The following PREP variants were observed in gnomAD, a reference collection of about 807,000 sequenced individuals.
PREP encodes dJ355L5.1 (prolyl endopeptidase).
Under a neutral mutation model 87.6 loss-of-function variants are expected in PREP, and 29 were observed. The observed-to-expected ratio is 0.33, with a 90% confidence interval of 0.25 to 0.45. The LOEUF is 0.45. Among genes scored for constraint, PREP ranks in the 20% least tolerant of loss-of-function variants. The pLI is 1.00. For synonymous variants in PREP, 337 were observed against 328.6 expected (o/e 1.03, Z -0.28); for missense variants, 695 against 886.5 (o/e 0.78, Z 2.74).
At chr6:105,333,147 T>C (rs527459356) in intron 8 of PREP, among the ~76,000 whole-genome samples, 167 bp downstream of exon 8, 5 of 152,304 alleles carry the variant, frequency 3.3e-5, no homozygotes, top group Non-Finnish European at 4.4e-5. Context: ...TACAAAGATA[T>C]CACACAATGA....
intron 2 of PREP, among the ~76,000 whole-genome samples, chr6:105,385,523 G>C (rs1372315131): frequency 6.6e-6 from 1 of 152,072 alleles, no homozygotes; most frequent in African/African-American, 2.4e-5. Context: ...GATCCAAAAA[G>C]AAAGCAGAAC....
chr6:105,285,443 T>C (rs756698389), intron 12 of PREP, 43 bp downstream of exon 12: 3 of 1,561,788 alleles, frequency 1.9e-6, no homozygotes, highest in Non-Finnish European at 2.6e-6. Context: ...AACCTTAGCT[T>C]TGATTATGTC....
At chr6:105,369,693 T>C (rs911623396) in intron 5 of PREP, among the ~76,000 whole-genome samples, 5 of 152,116 alleles carry the variant, frequency 3.3e-5, no homozygotes, top group Non-Finnish European at 7.4e-5. Flanking sequence ...GGCAAAAATA[T>C]GAATCCAGAC....
At chr6:105,377,180 C>A (rs1772706886) in intron 3 of PREP, among the ~76,000 whole-genome samples, 1 of 152,142 alleles carries the variant, frequency 6.6e-6, no homozygotes, top group Non-Finnish European at 1.5e-5. Context: ...TATGACCTAT[C>A]CCTACTAAAT....
chr6:105,334,469 A>G (rs974956270), intron 7 of PREP, among the ~76,000 whole-genome samples: 3 of 152,138 alleles, frequency 2.0e-5, no homozygotes, highest in East Asian at 1.9e-4. Context: ...CTGTAATCAC[A>G]GCATTTTGGG....
intron 2 of PREP, among the ~76,000 whole-genome samples, 166 bp downstream of exon 2, chr6:105,397,687 T>C (rs1385626968): frequency 2.0e-5 from 3 of 152,236 alleles, no homozygotes; most frequent in Non-Finnish European, 4.4e-5. Flanking sequence ...TTTTGTCTTT[T>C]TCCCATAAAT....
chr6:105,309,067 C>T (rs1770706543), intron 10 of PREP, among the ~76,000 whole-genome samples: 1 of 151,908 alleles, frequency 6.6e-6, no homozygotes, highest in Admixed American at 6.6e-5. Flanking sequence ...GCAAGGAGGC[C>T]AGAGCGGCTG....
Position 105,328,969 on chromosome 6 carries a change from T to C in PREP, c.1073A>G (p.Lys358Arg), listed in dbSNP as rs1562201918. 3 of 1,614,198 alleles carry C rather than the reference T, an allele frequency of 1.9e-6. No homozygotes were observed. The highest frequency in any genetic ancestry group is 2.5e-6 in the Non-Finnish European group (3 of 1,180,026). Residue 358 changes from lysine to arginine, a missense_variant, in exon 9 of 15, where the codon AAG becomes AGG. By Grantham distance (26) the Lys-to-Arg change is conservative. Transcript: ENST00000652536. ...FLVLCYLHDV[K>R]NILQLHDLTT... ...CAGGTCATGGAGCTGCAGAATGTTC[T>C]TGACGTCATGGAGGTAGCATAAGAC...
In PREP at chr6:105,278,548, G is replaced by GTTAAC; in HGVS notation, c.1839-111_1839-110insGTTAA. 1.8e-6 allele frequency: 2 copies of GTTAAC among 1,137,558 alleles called. No homozygotes were observed. Among genetic ancestry groups the GTTAAC allele is most frequent in the African/African-American group, 3.1e-5 (2 of 65,398 alleles). 70.5% of individuals were successfully genotyped at this position (1,137,558 alleles called of 1,614,324 possible). On this transcript the variant is annotated intron_variant, in intron 14 of 14. Coordinates refer to ENST00000652536, the MANE Select transcript of PREP (RefSeq NM_002726.5). This position sits in a 1 kb window ranked among gnomAD's most constrained non-coding sequence, Gnocchi z 4.2. ...AGGACTGCAGTTAACTAGTACGTGA[G>GTTAAC]TGACCACCATGGACTGTGCCTATGC...
rs1259343422 is a variant in PREP, at chr6:105,276,203, A to G, written c.*1941T>C. Reference sequence around the variant, plus strand: ...TTGTCCTGTGAAAATCTAGACACAAAAATTAGGTTGGAAAAGAGAACTCGT... The same window carrying G: ...TTGTCCTGTGAAAATCTAGACACAAGAATTAGGTTGGAAAAGAGAACTCGT... On this transcript the variant is annotated 3_prime_UTR_variant, in exon 15 of 15. Transcript: ENST00000652536. 1.3e-5 allele frequency among the ~76,000 whole-genome samples: 2 copies of G among 152,228 alleles called. No homozygotes were observed. Among genetic ancestry groups the G allele is most frequent in the Non-Finnish European group, 1.5e-5 (1 of 68,046 alleles).
At chr6:105,282,417 C>A in intron 13 of PREP, 34 bp downstream of exon 13, 1 of 1,599,368 alleles carries the variant, frequency 6.3e-7, no homozygotes, top group Non-Finnish European at 8.5e-7. Context: ...AGAGGGCTAA[C>A]TAGTAAGTGC....
intron 6 of PREP, 69 bp downstream of exon 6, chr6:105,368,834 A>G: frequency 3.2e-6 from 5 of 1,566,982 alleles, no homozygotes; most frequent in Non-Finnish European, 4.4e-6. Context: ...TCACCACATA[A>G]TAAGAATATT....
intron 2 of PREP, among the ~76,000 whole-genome samples, chr6:105,385,036 A>C (rs563794346): frequency 6.6e-6 from 1 of 152,258 alleles, no homozygotes; most frequent in African/African-American, 2.4e-5. Flanking sequence ...TTTCCTTGGA[A>C]GCCTCTGGTT....
Position 105,349,898 on chromosome 6 carries a change from T to TAAAAAAAAAAAAA in PREP, c.823+3061_823+3073dup, listed in dbSNP as rs1162063177. Among the ~76,000 whole-genome samples, 27 of 59,424 alleles carry TAAAAAAAAAAAAA rather than the reference T, an allele frequency of 4.5e-4. 1 individual carries two copies. Among genetic ancestry groups the TAAAAAAAAAAAAA allele is most frequent in the African/African-American group, 9.3e-4 (18 of 19,274 alleles). The allele number at this position is 59,424 out of a possible 152,430, so 39.0% of individuals were successfully genotyped here. On this transcript the variant is annotated intron_variant, in intron 7 of 14. Coordinates refer to ENST00000652536, the MANE Select transcript of PREP (RefSeq NM_002726.5). ...AGGATAACAAAATTGGGGAAGCAGG[T>TAAAAAAAAAAAAA]AAAAAAAAAAAAAAAAAAAAAAAAG...
intron 10 of PREP, among the ~76,000 whole-genome samples, chr6:105,291,630 T>C (rs1770298749): frequency 6.6e-6 from 1 of 152,188 alleles, no homozygotes; most frequent in Non-Finnish European, 1.5e-5. Flanking sequence ...TTCTTCAGTT[T>C]TGGGACTTGG....
Position 105,282,521 on chromosome 6 carries a change from C to CAGAT in PREP, c.1607_1610dup (p.Ile538SerfsTer15). ...TGGGAGATGTGTAACCTTCCTTGATCAGATACTCAGCAGCACACTGAAAGT... is the reference window on the plus strand; with the variant it reads ...TGGGAGATGTGTAACCTTCCTTGATCAGATAGATACTCAGCAGCACACTGAAAGT... On this transcript the variant is annotated frameshift_variant, in exon 13 of 15. Transcript: ENST00000652536. LOFTEE classifies it high-confidence loss of function. The CAGAT allele has an allele frequency of 6.2e-7, 1 of 1,614,158 alleles. No individual in the cohort carries two copies. Among genetic ancestry groups the CAGAT allele is most frequent in the Non-Finnish European group, 8.5e-7 (1 of 1,180,030 alleles).
chr6:105,384,931 T>C (rs1419515374), intron 2 of PREP, among the ~76,000 whole-genome samples: 1 of 152,250 alleles, frequency 6.6e-6, no homozygotes, highest in Non-Finnish European at 1.5e-5. Flanking sequence ...ACTTATACCC[T>C]GAACCCCAAT....
intron 8 of PREP, 128 bp from the exon 9 acceptor site, chr6:105,329,154 C>A: frequency 4.5e-5 from 37 of 827,242 alleles, no homozygotes; most frequent in Non-Finnish European, 6.5e-5. Flanking sequence ...GTCACTTTTA[C>A]ATTTTTTTTT....
chr6:105,365,220 C>G (rs1188913172), intron 6 of PREP, among the ~76,000 whole-genome samples: 1 of 152,238 alleles, frequency 6.6e-6, no homozygotes, highest in Non-Finnish European at 1.5e-5. Flanking sequence ...GCACTCCGCC[C>G]TGGGTGACAG....
Sources: allele counts gnomAD v4.1 joint callset (sites outside exome capture counted in the v4.1 genomes callset), GRCh38; gene constraint gnomAD v4.1.1; non-coding constraint Gnocchi (gnomAD v3.1); transcripts MANE v1.5; gene names NCBI Gene and HGNC (gene_info 2026-07-23, HGNC 2026-07-21).